The following AP3B1 variants were observed in gnomAD, a reference collection of about 807,000 sequenced individuals.
AP3B1 encodes AP-3 complex subunit beta-1.
In AP3B1, 61 loss-of-function variants were observed where a neutral mutation model predicts 132.5. The observed-to-expected ratio is 0.46, with a 90% CI of 0.37 to 0.57. The LOEUF (loss-of-function observed/expected upper bound fraction) is 0.57. Ranked by LOEUF, AP3B1 falls within the 20% of genes least tolerant of loss-of-function variation. AP3B1 has a pLI of 0.00. For synonymous variants in AP3B1, 388 were observed against 438.3 expected (o/e 0.89, Z 1.43); for missense variants, 1,120 against 1,289.4 (o/e 0.87, Z 2.01).
At chr5:78,284,506 T>G (rs1749190659) in intron 1 of AP3B1, among the ~76,000 whole-genome samples, 1 of 152,242 alleles carries the variant, frequency 6.6e-6, no homozygotes, top group African/African-American at 2.4e-5. Context: ...TTAACTACAA[T>G]TTGTCCTAAA....
chr5:78,231,125 A>G (rs1746632549), intron 3 of AP3B1, among the ~76,000 whole-genome samples: 1 of 151,854 alleles, frequency 6.6e-6, no homozygotes, highest in Non-Finnish European at 1.5e-5. Flanking sequence ...ATCTGAAAAA[A>G]AGAAAAGAAA....
chr5:78,148,756 C>A (rs748108390), intron 14 of AP3B1, among the ~76,000 whole-genome samples: 8 of 152,108 alleles, frequency 5.3e-5, no homozygotes, highest in African/African-American at 1.4e-4. Flanking sequence ...TATTTTTGCA[C>A]CAACCTCATA....
intron 17 of AP3B1, chr5:78,121,727 C>G (rs1052383967): frequency 6.6e-6 from 1 of 152,292 alleles, no homozygotes; most frequent in Admixed American, 6.5e-5. Context: ...AAAAAAAGTC[C>G]AGGACCAGAT....
rs186531639 is a variant in AP3B1 at position 78,185,270 on chromosome 5, G to A, written c.787-3608C>T. Among the ~76,000 whole-genome samples the A allele has an allele frequency of 7.2e-4, 110 of 152,280 alleles. 1 individual carries two copies. The highest frequency in any genetic ancestry group is 2.4e-3 in the African/African-American group (100 of 41,570). On this transcript the variant is annotated intron_variant, in intron 7 of 26. Transcript: ENST00000255194. ...AAAAGATGGAATCTTCAAACATCTG[G>A]AAGGAAGAAAGAATATGGCAAGGAA...
At chr5:78,069,632 C>A (rs569781387) in intron 22 of AP3B1, among the ~76,000 whole-genome samples, 2 of 152,290 alleles carry the variant, frequency 1.3e-5, no homozygotes, top group South Asian at 2.1e-4. Context: ...ACATTCCATG[C>A]TCATGGATAG....
intron 7 of AP3B1, among the ~76,000 whole-genome samples, chr5:78,200,358 G>C (rs550481251): frequency 6.6e-6 from 1 of 152,192 alleles, no homozygotes; most frequent in African/African-American, 2.4e-5. Context: ...AAAGGACTAA[G>C]TTTTCTAACC....
intron 7 of AP3B1, among the ~76,000 whole-genome samples, chr5:78,188,482 C>G (rs1415144049): frequency 6.6e-6 from 1 of 152,132 alleles, no homozygotes; most frequent in Non-Finnish European, 1.5e-5. Context: ...TGAAAAATAG[C>G]TCAACATCTC....
At chr5:78,217,320 G>A (rs1746004755) in intron 6 of AP3B1, among the ~76,000 whole-genome samples, 1 of 151,970 alleles carries the variant, frequency 6.6e-6, no homozygotes, top group South Asian at 2.1e-4. Context: ...ATATAGACTC[G>A]CTATTATGCT....
intron 17 of AP3B1, among the ~76,000 whole-genome samples, chr5:78,126,462 G>A (rs1752461184): frequency 7.8e-6 from 1 of 127,396 alleles, no homozygotes; most frequent in South Asian, 2.7e-4. Flanking sequence ...CCAAGATCAT[G>A]CCCCTGCACT....
intron 22 of AP3B1, among the ~76,000 whole-genome samples, chr5:78,068,029 TAAAG>T (rs1749367385): frequency 1.3e-5 from 2 of 151,586 alleles, no homozygotes; most frequent in African/African-American, 2.4e-5. Flanking sequence ...GCTAGACTAA[TAAAG>T]AAGAAAAGAG....
In AP3B1 at chr5:78,011,730, C is replaced by T. The variant is rs1438219250; in HGVS notation, c.3131+3680G>A. ...TCCACATTAATAAAGGTTCACTTTT[C>T]CTTAGATAATTCTTACACTAAGTAT... On this transcript the variant is annotated intron_variant, in intron 26 of 26. Coordinates refer to ENST00000255194, the MANE Select transcript of AP3B1 (RefSeq NM_003664.5). Among the ~76,000 whole-genome samples the T allele has an allele frequency of 3.9e-5, 6 of 152,208 alleles. No individual in the cohort carries two copies. In the East Asian group the frequency reaches 1.2e-3, roughly 29 times the overall value.
At chr5:78,269,707 C>T (rs541447279) in intron 1 of AP3B1, among the ~76,000 whole-genome samples, 1 of 152,118 alleles carries the variant, frequency 6.6e-6, no homozygotes, top group African/African-American at 2.4e-5. Context: ...AAGTCTGGTC[C>T]AAGAATCATG....
At chr5:78,006,658 A>G (rs1746409698) in intron 26 of AP3B1, among the ~76,000 whole-genome samples, 1 of 152,164 alleles carries the variant, frequency 6.6e-6, no homozygotes, top group South Asian at 2.1e-4. Context: ...TAACACCACA[A>G]ATGAGAACAA....
chr5:78,187,346 G>A (rs1338210589), intron 7 of AP3B1, among the ~76,000 whole-genome samples: 1 of 152,118 alleles, frequency 6.6e-6, no homozygotes, highest in African/African-American at 2.4e-5. Flanking sequence ...TGAAAGTGCT[G>A]TATTAACAGA....
At chr5:78,160,708 A>G (rs2112366580) in intron 13 of AP3B1, among the ~76,000 whole-genome samples, 1 of 152,212 alleles carries the variant, frequency 6.6e-6, no homozygotes. Flanking sequence ...CTTCATTCAC[A>G]GTATTTATTC....
At chr5:78,271,034 A>G (rs9293737) in intron 1 of AP3B1, among the ~76,000 whole-genome samples, 36,257 of 152,180 alleles carry the variant, frequency 0.24, 5,156 homozygotes, top group Non-Finnish European at 0.32. Flanking sequence ...AATATAGGGG[A>G]AAAACTTTTG....
chr5:78,022,641 T>G (rs1747152934), intron 24 of AP3B1, among the ~76,000 whole-genome samples: 1 of 152,200 alleles, frequency 6.6e-6, no homozygotes, highest in Admixed American at 6.5e-5. Flanking sequence ...TGTTTCAGTG[T>G]TTCTTGAAGC....
chr5:78,000,862 C>A (rs1013000936), downstream of AP3B1: 1 of 152,148 alleles, frequency 6.6e-6, no homozygotes, highest in South Asian at 2.1e-4. Flanking sequence ...AGAAAAAAAA[C>A]CAAACCTTTA....
intron 17 of AP3B1, among the ~76,000 whole-genome samples, chr5:78,117,197 A>T (rs1580366455): frequency 7.3e-6 from 1 of 137,012 alleles, no homozygotes; most frequent in Non-Finnish European, 1.5e-5. Context: ...TTTTTTAATC[A>T]CAGCATGTAT....
Sources: gnomAD v4.1 joint callset for allele counts (sites outside exome capture counted in the v4.1 genomes callset) on GRCh38, gnomAD v4.1.1 for gene constraint, MANE v1.5 for transcripts, NCBI Gene and HGNC (gene_info 2026-07-23, HGNC 2026-07-21) for gene names.